ADCY8: variants seen among roughly 807,000 people sequenced by gnomAD.
The protein encoded by ADCY8 is adenylate cyclase 8, also known as adenylate cyclase type 8.
ADCY8 carries 51 observed loss-of-function variants against 119.7 expected under a neutral mutation model. The observed-to-expected ratio is 0.43, with a 90% CI of 0.34 to 0.54. The LOEUF is 0.54. ADCY8 is among the 20% of genes least tolerant of loss of function. The pLI is 0.03. For missense variants in ADCY8, 1,383 were observed against 1,598.8 expected, an observed-to-expected ratio of 0.87 and a Z score of 2.30; for synonymous variants, 665 against 651.0, an observed-to-expected ratio of 1.02 and a Z score of -0.33.
intron 2 of ADCY8, among the ~76,000 whole-genome samples, chr8:130,959,757 G>C (rs1006577318): frequency 6.6e-5 from 10 of 152,188 alleles, no homozygotes; most frequent in Non-Finnish European, 5.9e-5. Context: ...TAACAGAAGA[G>C]AGCAGTATGT....
chr8:130,820,251 T>G (rs921207887), intron 13 of ADCY8, among the ~76,000 whole-genome samples: 3 of 152,232 alleles, frequency 2.0e-5, no homozygotes, highest in Non-Finnish European at 4.4e-5. Flanking sequence ...CTCTGTGTTC[T>G]TGGGGTTTTG....
At chr8:130,878,773 C>T (rs1259933746) in intron 8 of ADCY8, among the ~76,000 whole-genome samples, 1 of 152,074 alleles carries the variant, frequency 6.6e-6, no homozygotes, top group Non-Finnish European at 1.5e-5. Flanking sequence ...ACAAAGGATG[C>T]CTTTTCTCAA....
In ADCY8 at chr8:131,039,919, A is replaced by G; in HGVS notation, c.415T>C (p.Ser139Pro). 6.2e-7 allele frequency: 1 copy of G among 1,610,888 alleles called. No individual in the cohort carries two copies. Residue 139 changes from serine (S) to proline (P), a missense_variant, in exon 1 of 18, where the codon TCG (serine) becomes CCG (proline). By Grantham distance (74) the Ser-to-Pro change is moderately conservative. Coordinates refer to ENST00000286355, the MANE Select transcript of ADCY8 (RefSeq NM_001115.3). ...FLHLDCAPSN[S>P]DFFLNGGYSY... ...TAGCCCCCATTAAGAAAGAAATCCG[A>G]GTTGCTAGGGGCACAGTCAAGGTGC...
intron 5 of ADCY8, among the ~76,000 whole-genome samples, chr8:130,919,657 T>C (rs1307273357): frequency 1.3e-5 from 2 of 152,200 alleles, no homozygotes; most frequent in African/African-American, 2.4e-5. Context: ...AGTTTAACAG[T>C]TGGCTTTTGC....
intron 7 of ADCY8, among the ~76,000 whole-genome samples, chr8:130,894,943 A>C (rs1819331857): frequency 6.6e-6 from 1 of 152,172 alleles, no homozygotes. Flanking sequence ...TGTGTCAAAC[A>C]ATAAAAGTTA....
intron 7 of ADCY8, among the ~76,000 whole-genome samples, chr8:130,888,686 A>G (rs1308659695): frequency 6.6e-6 from 1 of 152,116 alleles, no homozygotes; most frequent in Non-Finnish European, 1.5e-5. Flanking sequence ...GGTGAAAATT[A>G]TAATGAGAGG....
At chr8:130,950,339 T>A (rs1439449168) in intron 3 of ADCY8, among the ~76,000 whole-genome samples, 2 of 152,190 alleles carry the variant, frequency 1.3e-5, no homozygotes, top group South Asian at 4.1e-4. Context: ...TAACTTGAGA[T>A]GCAAAGAAGC....
At chr8:130,787,583 G>A (rs1815288828) in intron 15 of ADCY8, among the ~76,000 whole-genome samples, 2 of 152,172 alleles carry the variant, frequency 1.3e-5, no homozygotes, top group Non-Finnish European at 2.9e-5. Flanking sequence ...AGTGATGTGT[G>A]TATGTCTACA....
intron 9 of ADCY8, among the ~76,000 whole-genome samples, chr8:130,861,434 T>C (rs1817925274): frequency 6.6e-6 from 1 of 151,746 alleles, no homozygotes; most frequent in Non-Finnish European, 1.5e-5. Context: ...GTATTTCATT[T>C]TTGGTGCTAT....
intron 7 of ADCY8, chr8:130,892,145 G>A (rs918762475): frequency 4.6e-5 from 7 of 152,070 alleles, no homozygotes; most frequent in African/African-American, 1.7e-4. Flanking sequence ...CGATATAACA[G>A]GGGTCAGAAT....
chr8:130,975,267 C>T (rs946837245), intron 2 of ADCY8, among the ~76,000 whole-genome samples: 1 of 152,200 alleles, frequency 6.6e-6, no homozygotes, highest in Non-Finnish European at 1.5e-5. Context: ...AAATATTGCA[C>T]CACATATCTC....
chr8:130,969,451 C>A (rs962061323), intron 2 of ADCY8, among the ~76,000 whole-genome samples: 2 of 152,152 alleles, frequency 1.3e-5, no homozygotes, highest in Non-Finnish European at 2.9e-5. Context: ...CTCTGTTTCT[C>A]TGTGGAACCC....
chr8:130,970,805 T>A (rs926148547), intron 2 of ADCY8, among the ~76,000 whole-genome samples: 1 of 152,208 alleles, frequency 6.6e-6, no homozygotes, highest in African/African-American at 2.4e-5. Flanking sequence ...AAAGCAAGAA[T>A]GAAAACAGAC....
intron 13 of ADCY8, among the ~76,000 whole-genome samples, chr8:130,817,748 A>T (rs888133060): frequency 3.9e-5 from 6 of 152,214 alleles, no homozygotes; most frequent in African/African-American, 1.4e-4. Context: ...ACTTATGGGG[A>T]AACTTAAACA....
chr8:131,025,670 C>T lies in ADCY8; in HGVS notation c.960+13704G>A, dbSNP rs547210049. On this transcript the variant is annotated intron_variant, in intron 1 of 17. Transcript: ENST00000286355. ...TAGATATTAAGAATAATTTCCTCAT[C>T]TCAGGTCTAGTCAGGATTTTCCTTT... 1.2e-4 allele frequency among the ~76,000 whole-genome samples: 19 copies of T among 152,336 alleles called. No individual in the cohort carries two copies. The South Asian group carries it at 3.9e-3, about 32-fold the overall frequency.
In ADCY8 at chr8:130,934,126, T is replaced by A. The variant is rs74398434; in HGVS notation, c.1481+2947A>T. On this transcript the variant is annotated intron_variant, in intron 5 of 17. Transcript: ENST00000286355. ...TTGATGGGTTTACTGATTGACAGAA[T>A]AAGGCTCACACACCTAATTAGTTGT... Among the ~76,000 whole-genome samples, 1,514 of 152,340 alleles carry A rather than the reference T, an allele frequency of 9.9e-3. 12 individuals carry two copies. The highest frequency in any genetic ancestry group is 0.015 in the Non-Finnish European group (1,047 of 68,022).
chr8:130,807,751 G>A (rs911228097), intron 14 of ADCY8, among the ~76,000 whole-genome samples: 9 of 151,792 alleles, frequency 5.9e-5, no homozygotes, highest in South Asian at 2.1e-4. Flanking sequence ...TTGGGAGGCC[G>A]AGGCGGGCGG....
At chr8:130,895,776 G>T (rs1251530346) in intron 7 of ADCY8, among the ~76,000 whole-genome samples, 1 of 152,050 alleles carries the variant, frequency 6.6e-6, no homozygotes, top group Non-Finnish European at 1.5e-5. Context: ...TTAATCTGAT[G>T]TTAAAATGGT....
At chr8:130,944,212 T>G (rs1202583414) in intron 3 of ADCY8, among the ~76,000 whole-genome samples, 1 of 152,206 alleles carries the variant, frequency 6.6e-6, no homozygotes, top group Non-Finnish European at 1.5e-5. Flanking sequence ...CAAGGAGACT[T>G]GCCCAGCATC....
Sources: allele counts gnomAD v4.1 joint callset (sites outside exome capture counted in the v4.1 genomes callset), GRCh38; gene constraint gnomAD v4.1.1; transcripts MANE v1.5; gene names NCBI Gene and HGNC (gene_info 2026-07-23, HGNC 2026-07-21).